The following FHL1 variants were observed in gnomAD, a reference collection of about 807,000 sequenced individuals.
The protein encoded by FHL1 is four and a half LIM domains 1.
A neutral mutation model predicts 20.3 loss-of-function variants in FHL1; 1 was observed. The ratio of observed to expected loss-of-function variants is 0.05; its 90% CI spans 0.02 to 0.23. The LOEUF is 0.23. Ranked by LOEUF, FHL1 falls within the 10% of genes least tolerant of loss-of-function variation. The probability of loss-of-function intolerance (pLI) is 1.00; values close to 1 mark genes in which losing one functional copy is unlikely to be tolerated. For missense variants in FHL1, 177 were observed against 234.0 expected (o/e 0.76, Z 1.59); for synonymous variants, 82 against 88.9 (o/e 0.92, Z 0.44).
intron 5 of FHL1, among the ~76,000 whole-genome samples, 194 bp from the exon 6 acceptor site, chrX:136,209,677 A>G (rs1173611081): frequency 9.1e-6 from 1 of 109,801 alleles, no homozygotes; most frequent in Non-Finnish European, 1.9e-5. Context: ...ATGGGGGACA[A>G]TGGCGGCGTG....
At position 136,210,204 on chromosome X, in the gene FHL1, C is replaced by T. The variant is rs914661437; in HGVS notation, c.*179C>T. 1 of 717,597 alleles carries T rather than the reference C, an allele frequency of 1.4e-6. No individual in the cohort carries two copies. Among genetic ancestry groups the T allele is most frequent in the African/African-American group, 2.1e-5 (1 of 47,923 alleles). The allele number at this position is 717,597 out of a possible 1,213,427, so 59.1% of individuals were successfully genotyped here. A position where few individuals can be genotyped will look rare whatever the true frequency, so the allele number is the denominator to read the frequency against. ...TAAGGGCACACAGTGATCATATTAGCATTTAGCAAAAAGCAACCCTGCAGC... is the reference window on the plus strand; with the variant it reads ...TAAGGGCACACAGTGATCATATTAGTATTTAGCAAAAAGCAACCCTGCAGC... On this transcript the variant is annotated 3_prime_UTR_variant, in exon 6 of 6. Coordinates refer to ENST00000370683, the MANE Select transcript of FHL1 (RefSeq NM_001159699.2).
intron 1 of FHL1, among the ~76,000 whole-genome samples, chrX:136,205,838 G>C (rs985594848): frequency 9.0e-6 from 1 of 111,449 alleles, no homozygotes; most frequent in African/African-American, 3.3e-5. Context: ...AGCTGAAAGC[G>C]GGCAGAGAGG....
chrX:136,158,211 C>G (rs909107764), intron 1 of FHL1, among the ~76,000 whole-genome samples: 2 of 111,851 alleles, frequency 1.8e-5, no homozygotes, highest in Non-Finnish European at 3.8e-5. Flanking sequence ...GAAAGGTGTA[C>G]TGTCTTTACA....
intron 1 of FHL1, among the ~76,000 whole-genome samples, chrX:136,204,020 T>C (rs1291582147): frequency 1.8e-5 from 2 of 112,464 alleles, no homozygotes; most frequent in Admixed American, 1.9e-4. Context: ...AGTTGTATAC[T>C]AAATAGAGAC....
chrX:136,164,556 C>T (rs1315389251), intron 1 of FHL1, among the ~76,000 whole-genome samples: 3 of 111,080 alleles, frequency 2.7e-5, no homozygotes, highest in Non-Finnish European at 5.7e-5. Context: ...ATATATTTGT[C>T]CCTTTATGTT....
intron 2 of FHL1, among the ~76,000 whole-genome samples, chrX:136,183,134 A>AG (rs1556635249): frequency 9.1e-6 from 1 of 110,254 alleles, no homozygotes; most frequent in Non-Finnish European, 1.9e-5. Context: ...CAAAAAAAAA[A>AG]CAGAAAATAT....
intron 1 of FHL1, among the ~76,000 whole-genome samples, chrX:136,203,965 T>C (rs1361077773): frequency 1.8e-5 from 2 of 112,307 alleles, no homozygotes; most frequent in Non-Finnish European, 3.8e-5. Context: ...AATTTCTGCT[T>C]ATAAAGGTAT....
At chrX:136,152,885 A>G (rs762688153) in intron 1 of FHL1, among the ~76,000 whole-genome samples, 102 of 111,157 alleles carry the variant, frequency 9.2e-4, no homozygotes, top group African/African-American at 3.0e-3. Flanking sequence ...TGAAACAGTG[A>G]TTGTCATTTT....
chrX:136,196,631 T>G, upstream of FHL1: 1 of 431,643 alleles, frequency 2.3e-6, no homozygotes, highest in Non-Finnish European at 4.0e-6. Flanking sequence ...CTCCTTGAGT[T>G]ACACTGGTAA....
intron 1 of FHL1, chrX:136,169,888 A>AT (rs1231947503): frequency 1.5e-5 from 5 of 329,128 alleles, no homozygotes; most frequent in African/African-American, 5.3e-5. Context: ...CTTGATTCTC[A>AT]TTTTTTTCCC....
At chrX:136,199,457 A>G (rs769775625) in intron 1 of FHL1, among the ~76,000 whole-genome samples, 1 of 112,575 alleles carries the variant, frequency 8.9e-6, no homozygotes, top group Non-Finnish European at 1.9e-5. Flanking sequence ...ATGAAAGACT[A>G]CTTTTCAGCC....
chrX:136,206,981 C>T, intron 2 of FHL1, 35 bp from the exon 3 acceptor site: 1 of 1,208,235 alleles, frequency 8.3e-7, no homozygotes. Flanking sequence ...CCCAGCACCC[C>T]TCATGGTGGC....
At chrX:136,158,755 C>T (rs1569528383) in intron 1 of FHL1, among the ~76,000 whole-genome samples, 2 of 111,209 alleles carry the variant, frequency 1.8e-5, no homozygotes, top group African/African-American at 6.5e-5. Context: ...GTGTTATGAC[C>T]GTCTTTGAAG....
upstream of FHL1, among the ~76,000 whole-genome samples, chrX:136,166,844 TAGTA>T (rs1346663450): frequency 8.9e-6 from 1 of 112,560 alleles, no homozygotes; most frequent in Non-Finnish European, 1.9e-5. Context: ...ATAATAATAG[TAGTA>T]AGTATGTATT....
At chrX:136,170,253 A>G (rs1055142818) in intron 2 of FHL1, among the ~76,000 whole-genome samples, 1 of 112,228 alleles carries the variant, frequency 8.9e-6, no homozygotes, top group Non-Finnish European at 1.9e-5. Context: ...GCTTTAAAGT[A>G]AAGATCTGCT....
At chrX:136,154,088 G>C (rs1389567291) in intron 1 of FHL1, among the ~76,000 whole-genome samples, 1 of 111,964 alleles carries the variant, frequency 8.9e-6, no homozygotes, top group Non-Finnish European at 1.9e-5. Flanking sequence ...AGGCTCAAAG[G>C]GGTCAAGCAC....
chrX:136,156,488 G>C (rs1603242951), intron 1 of FHL1, among the ~76,000 whole-genome samples: 1 of 110,912 alleles, frequency 9.0e-6, no homozygotes, highest in South Asian at 3.9e-4. Flanking sequence ...CACTGTGTTG[G>C]TCAGGCTGAT....
At chrX:136,202,039 A>C (rs376775710) in intron 1 of FHL1, among the ~76,000 whole-genome samples, 1 of 112,263 alleles carries the variant, frequency 8.9e-6, no homozygotes, top group African/African-American at 3.2e-5. Context: ...AGTACATGTA[A>C]TTCTGTAAGG....
chrX:136,208,154 C>T (rs762734192), intron 4 of FHL1, among the ~76,000 whole-genome samples, 193 bp downstream of exon 4: 8 of 112,244 alleles, frequency 7.1e-5, no homozygotes, highest in Admixed American at 5.6e-4. Flanking sequence ...GCTGTCAGTA[C>T]GCATCCTCAG....
Sources: allele counts gnomAD v4.1 joint callset (sites outside exome capture counted in the v4.1 genomes callset), GRCh38; gene constraint gnomAD v4.1.1; transcripts MANE v1.5; gene names NCBI Gene and HGNC (gene_info 2026-07-23, HGNC 2026-07-21).